Variants in CCDC171 observed in about 807,000 individuals in gnomAD.
CCDC171 encodes the protein coiled-coil domain-containing protein 171.
Under a neutral mutation model 168.2 loss-of-function variants are expected in CCDC171, and 177 were observed. The ratio of observed to expected loss-of-function variants is 1.05; its 90% CI spans 0.93 to 1.19. CCDC171 has a LOEUF of 1.19. CCDC171 is among the 50% of genes most tolerant of loss of function. The probability of loss-of-function intolerance (pLI) is 0.00; values close to 1 mark genes in which losing one functional copy is unlikely to be tolerated. For missense variants in CCDC171, 1,991 were observed against 1,539.0 expected, an observed-to-expected ratio of 1.29 and a Z score of -4.91; for synonymous variants, 687 against 540.8, an observed-to-expected ratio of 1.27 and a Z score of -3.75.
chr9:15,674,810 G>A (rs940077468), intron 9 of CCDC171, among the ~76,000 whole-genome samples: 5 of 152,154 alleles, frequency 3.3e-5, no homozygotes, highest in Non-Finnish European at 7.4e-5. Context: ...TAAGTGCAAC[G>A]TGGTGTTGAG....
the CCDC171 span, among the ~76,000 whole-genome samples, chr9:16,071,119 G>A: frequency 6.6e-6 from 1 of 152,176 alleles, no homozygotes; most frequent in East Asian, 1.9e-4. Context: ...GTGCAAAGGC[G>A]AATCCACAGG....
intron 21 of CCDC171, among the ~76,000 whole-genome samples, chr9:15,807,506 G>T (rs1563773798): frequency 6.6e-6 from 1 of 152,118 alleles, no homozygotes; most frequent in Non-Finnish European, 1.5e-5. Flanking sequence ...CTGAGGTATG[G>T]TCCTTCTGGG....
chr9:15,601,297 G>T (rs1479393478), intron 6 of CCDC171, among the ~76,000 whole-genome samples: 1 of 152,080 alleles, frequency 6.6e-6, no homozygotes, highest in African/African-American at 2.4e-5. Flanking sequence ...TCATTTTTTT[G>T]AGAGTAAAAG....
chr9:15,634,739 A>G (rs1342717914), intron 7 of CCDC171, among the ~76,000 whole-genome samples: 1 of 152,242 alleles, frequency 6.6e-6, no homozygotes, highest in Non-Finnish European at 1.5e-5. Context: ...AACCATTACT[A>G]TAATCCATTT....
chr9:15,953,205 A>G (rs560840173), intron 25 of CCDC171, among the ~76,000 whole-genome samples: 1 of 152,148 alleles, frequency 6.6e-6, no homozygotes, highest in Non-Finnish European at 1.5e-5. Context: ...TAGGCCTTCC[A>G]GTACTATGTT....
At chr9:15,997,702 C>G (rs957347514) in intron 3 of CCDC171, among the ~76,000 whole-genome samples, 3 of 152,186 alleles carry the variant, frequency 2.0e-5, no homozygotes, top group Non-Finnish European at 4.4e-5. Flanking sequence ...CTCTGCTGGT[C>G]TCAGGGAATT....
At chr9:15,896,445 T>A (rs1276439122) in intron 24 of CCDC171, among the ~76,000 whole-genome samples, 1 of 151,944 alleles carries the variant, frequency 6.6e-6, no homozygotes, top group Non-Finnish European at 1.5e-5. Flanking sequence ...AAACTTTGAG[T>A]GATGGGATAA....
At chr9:15,795,505 A>G (rs1312049183) in intron 21 of CCDC171, among the ~76,000 whole-genome samples, 8 of 152,248 alleles carry the variant, frequency 5.3e-5, no homozygotes, top group Non-Finnish European at 8.8e-5. Context: ...ATCAGGTTCA[A>G]GAAATAAAGA....
chr9:15,679,621 C>T (rs766578058), intron 10 of CCDC171, among the ~76,000 whole-genome samples: 9 of 152,154 alleles, frequency 5.9e-5, no homozygotes, highest in Non-Finnish European at 2.9e-5. Flanking sequence ...GCAACCCTAG[C>T]TCACTGAAAT....
At chr9:16,075,926 C>T in the CCDC171 span, among the ~76,000 whole-genome samples, 3 of 152,174 alleles carry the variant, frequency 2.0e-5, no homozygotes, top group East Asian at 5.8e-4. Flanking sequence ...GAGGGCATCC[C>T]ACCAGTAAGC....
At chr9:16,010,881 G>A (rs967527943) in intron 3 of CCDC171, among the ~76,000 whole-genome samples, 1 of 151,742 alleles carries the variant, frequency 6.6e-6, no homozygotes, top group African/African-American at 2.4e-5. Flanking sequence ...ATGAGAAGAG[G>A]GCATTAGGAT....
At chr9:15,790,579 G>A (rs1279892459) in intron 21 of CCDC171, among the ~76,000 whole-genome samples, 4 of 152,126 alleles carry the variant, frequency 2.6e-5, no homozygotes, top group African/African-American at 7.2e-5. Flanking sequence ...TTCTTTTGCT[G>A]TGCAGAAGCT....
At chr9:15,659,581 A>G (rs897770804) in intron 8 of CCDC171, among the ~76,000 whole-genome samples, 10 of 152,218 alleles carry the variant, frequency 6.6e-5, no homozygotes, top group African/African-American at 2.4e-4. Flanking sequence ...GTCAGTTATT[A>G]CATTTGAGCA....
chr9:15,990,645 G>A lies in CCDC171; in HGVS notation n.369-29944G>A, dbSNP rs185766555. On this transcript the variant is annotated intron_variant and non_coding_transcript_variant, in intron 3 of 9. Coordinates refer to the CCDC171 transcript ENST00000486641. ...CACAGACTGGCAAACTGGATAAAGC[G>A]TCAAGACCCATCAGTGTGCTGTATT... is the stretch of plus-strand genomic sequence containing the variant. 2.5e-4 allele frequency among the ~76,000 whole-genome samples: 38 copies of A among 152,250 alleles called. No homozygotes were observed. The East Asian group carries it at 4.6e-3, about 19-fold the overall frequency.
At chr9:15,824,456 T>C (rs1218150208) in intron 21 of CCDC171, among the ~76,000 whole-genome samples, 1 of 152,024 alleles carries the variant, frequency 6.6e-6, no homozygotes, top group Non-Finnish European at 1.5e-5. Flanking sequence ...TTCAGTCTTC[T>C]ATTGGTGCTT....
At chr9:16,056,968 T>C (rs1833851751) in intron 1 of CCDC171, among the ~76,000 whole-genome samples, 1 of 152,222 alleles carries the variant, frequency 6.6e-6, no homozygotes, top group African/African-American at 2.4e-5. Context: ...GCAGAAGTAT[T>C]GGAGTTTTTA....
At chr9:15,891,080 T>C (rs1396078278) in intron 24 of CCDC171, among the ~76,000 whole-genome samples, 1 of 152,196 alleles carries the variant, frequency 6.6e-6, no homozygotes, top group African/African-American at 2.4e-5. Context: ...CAAATTCTTA[T>C]AATTCTAGCT....
At chr9:15,893,573 C>G (rs961451620) in intron 24 of CCDC171, among the ~76,000 whole-genome samples, 4 of 152,160 alleles carry the variant, frequency 2.6e-5, no homozygotes, top group East Asian at 1.9e-4. Flanking sequence ...GCAACTTAAA[C>G]CAATTTACAA....
chr9:15,783,282 CTA>C (rs1407825722), intron 20 of CCDC171, among the ~76,000 whole-genome samples: 1 of 152,124 alleles, frequency 6.6e-6, no homozygotes, highest in Non-Finnish European at 1.5e-5. Context: ...GAAACTGTGA[CTA>C]TGCACATTTC....
Sources: gnomAD v4.1 joint callset for allele counts (sites outside exome capture counted in the v4.1 genomes callset) on GRCh38, gnomAD v4.1.1 for gene constraint, MANE v1.5 for transcripts, NCBI Gene and HGNC (gene_info 2026-07-23, HGNC 2026-07-21) for gene names.